RIMS1: variants seen among roughly 807,000 people sequenced by gnomAD.
RIMS1 encodes regulating synaptic membrane exocytosis 1, also known as regulating synaptic membrane exocytosis protein 1.
Under a neutral mutation model 214.1 loss-of-function variants are expected in RIMS1, and 83 were observed. That is an observed-to-expected ratio of 0.39 (90% CI 0.32 to 0.47). The LOEUF (loss-of-function observed/expected upper bound fraction) is 0.47. Among genes scored for constraint, RIMS1 ranks in the 20% least tolerant of loss-of-function variants. RIMS1 has a pLI of 0.99. For missense variants in RIMS1, 2,050 were observed against 2,161.8 expected (o/e 0.95, Z 1.03); for synonymous variants, 793 against 786.8 (o/e 1.01, Z -0.13).
chr6:72,223,157 A>T (rs1288396821), intron 6 of RIMS1, among the ~76,000 whole-genome samples: 1 of 152,172 alleles, frequency 6.6e-6, no homozygotes, highest in Non-Finnish European at 1.5e-5. Flanking sequence ...TTTTTCTAGG[A>T]ATAAAGTCTA....
intron 26 of RIMS1, among the ~76,000 whole-genome samples, chr6:72,295,646 A>G (rs537434818): frequency 1.3e-5 from 2 of 151,906 alleles, no homozygotes; most frequent in African/African-American, 4.8e-5. Context: ...AGCTCTTAAA[A>G]GGAAAGAAAA....
chr6:72,183,269 A>G (rs2048606994), intron 6 of RIMS1, 120 bp downstream of exon 6: 1 of 919,196 alleles, frequency 1.1e-6, no homozygotes, highest in East Asian at 2.7e-5. Context: ...CACAGATAAG[A>G]TAGCGTTACC....
intron 4 of RIMS1, among the ~76,000 whole-genome samples, chr6:72,152,915 A>G (rs1350281752): frequency 5.8e-5 from 8 of 138,498 alleles, no homozygotes; most frequent in African/African-American, 2.1e-4. Flanking sequence ...GAATATATGT[A>G]TATATATGTA....
chr6:72,131,872 C>T (rs1032201804), intron 4 of RIMS1, among the ~76,000 whole-genome samples: 15 of 152,136 alleles, frequency 9.9e-5, no homozygotes, highest in Admixed American at 2.6e-4. Context: ...CACCCCCAGG[C>T]GCATATTCTC....
chr6:71,890,712 A>G (rs1248122913), intron 1 of RIMS1, among the ~76,000 whole-genome samples: 1 of 152,166 alleles, frequency 6.6e-6, no homozygotes, highest in Non-Finnish European at 1.5e-5. Flanking sequence ...GTAAATAGGT[A>G]ACATTTATTG....
At chr6:72,075,124 C>T (rs1306795641) in intron 2 of RIMS1, among the ~76,000 whole-genome samples, 1 of 152,076 alleles carries the variant, frequency 6.6e-6, no homozygotes, top group Non-Finnish European at 1.5e-5. Flanking sequence ...CTCTGTCACC[C>T]AGGATAGAGT....
chr6:71,969,141 A>G, intron 2 of RIMS1, 78 bp downstream of exon 2: 1 of 1,352,120 alleles, frequency 7.4e-7, no homozygotes, highest in Middle Eastern at 1.8e-4. Flanking sequence ...TTCACATTGC[A>G]TGTGAGAGTA....
At chr6:72,038,542 T>C (rs563069821) in intron 2 of RIMS1, among the ~76,000 whole-genome samples, 1 of 152,178 alleles carries the variant, frequency 6.6e-6, no homozygotes, top group African/African-American at 2.4e-5. Context: ...CCACTGAACA[T>C]TTATAAGCTC....
intron 6 of RIMS1, among the ~76,000 whole-genome samples, chr6:72,226,570 CG>C (rs1434126751): frequency 7.9e-5 from 12 of 151,798 alleles, no homozygotes; most frequent in Admixed American, 7.9e-4. Context: ...AATGAATTAC[CG>C]GAAGTTAGGA....
intron 12 of RIMS1, among the ~76,000 whole-genome samples, chr6:72,248,451 G>T (rs1398937535): frequency 6.6e-6 from 1 of 152,092 alleles, no homozygotes; most frequent in African/African-American, 2.4e-5. Flanking sequence ...ATAATATTAG[G>T]AGTTCATACC....
chr6:72,284,618 A>C (rs1366311150), intron 24 of RIMS1, among the ~76,000 whole-genome samples: 2 of 152,188 alleles, frequency 1.3e-5, no homozygotes, highest in African/African-American at 4.8e-5. Context: ...AGGGATTACT[A>C]ACCTTTTGTT....
At chr6:71,962,866 C>T (rs868508352) in intron 1 of RIMS1, among the ~76,000 whole-genome samples, 8 of 152,004 alleles carry the variant, frequency 5.3e-5, no homozygotes, top group African/African-American at 1.4e-4. Flanking sequence ...CCTTTCTCTA[C>T]GTACCAGATA....
intron 1 of RIMS1, among the ~76,000 whole-genome samples, chr6:71,923,572 CT>C (rs1173174051): frequency 1.0e-3 from 147 of 145,990 alleles, no homozygotes; most frequent in Admixed American, 1.2e-3. Context: ...TGTGACTTTT[CT>C]TTTTTTTTTT....
At chr6:72,243,851 T>C (rs886839719) in intron 10 of RIMS1, among the ~76,000 whole-genome samples, 4 of 151,524 alleles carry the variant, frequency 2.6e-5, no homozygotes, top group African/African-American at 9.7e-5. Flanking sequence ...AATTTAAAGA[T>C]TATAGAATTC....
chr6:71,944,320 A>G (rs1364324332), intron 1 of RIMS1, among the ~76,000 whole-genome samples: 1 of 152,222 alleles, frequency 6.6e-6, no homozygotes, highest in African/African-American at 2.4e-5. Flanking sequence ...AAATAGATGT[A>G]TAAGCATAGA....
chr6:72,201,047 T>C (rs527239339), intron 6 of RIMS1, among the ~76,000 whole-genome samples: 1 of 152,278 alleles, frequency 6.6e-6, no homozygotes, highest in East Asian at 1.9e-4. Flanking sequence ...AAACAGGAGT[T>C]ATGACGAAAC....
chr6:72,224,666 A>G (rs940250580), intron 6 of RIMS1, among the ~76,000 whole-genome samples: 5 of 152,348 alleles, frequency 3.3e-5, no homozygotes. Flanking sequence ...TCTTTGACCG[A>G]CATTAACGTA....
chr6:72,324,051 G>A (rs930680502), intron 28 of RIMS1, among the ~76,000 whole-genome samples: 1 of 151,704 alleles, frequency 6.6e-6, no homozygotes, highest in Non-Finnish European at 1.5e-5. Flanking sequence ...TAGATAGATA[G>A]ATAGATAGAT....
chr6:72,093,920 A>G (rs952860347), intron 2 of RIMS1, among the ~76,000 whole-genome samples: 22 of 152,162 alleles, frequency 1.4e-4, no homozygotes, highest in Admixed American at 4.6e-4. Flanking sequence ...GTTTCTTGGC[A>G]TCTGCTTCAG....
Sources: gnomAD v4.1 joint callset for allele counts (sites outside exome capture counted in the v4.1 genomes callset) on GRCh38, gnomAD v4.1.1 for gene constraint, MANE v1.5 for transcripts, NCBI Gene and HGNC (gene_info 2026-07-23, HGNC 2026-07-21) for gene names.